CTNNA2: variants seen among roughly 807,000 people sequenced by gnomAD.
The protein encoded by CTNNA2 is catenin alpha-2.
CTNNA2 carries 42 observed loss-of-function variants against 101.0 expected under a neutral mutation model. The ratio of observed to expected loss-of-function variants is 0.42; its 90% confidence interval spans 0.32 to 0.54. CTNNA2 has a LOEUF of 0.54. Among genes scored for constraint, CTNNA2 ranks in the 20% least tolerant of loss-of-function variants. The pLI is 0.14. For synonymous variants in CTNNA2, 450 were observed against 456.4 expected, an observed-to-expected ratio of 0.99 and a Z score of 0.18; for missense variants, 871 against 1,223.1, an observed-to-expected ratio of 0.71 and a Z score of 4.29.
intron 7 of CTNNA2, among the ~76,000 whole-genome samples, chr2:80,348,530 T>A (rs1039456958): frequency 6.6e-6 from 1 of 152,154 alleles, no homozygotes; most frequent in Non-Finnish European, 1.5e-5. Flanking sequence ...ATTTGAAAAG[T>A]CTTTATCTGA....
At chr2:80,617,149 TAATG>T (rs1698919038) in intron 17 of CTNNA2, among the ~76,000 whole-genome samples, 1 of 151,806 alleles carries the variant, frequency 6.6e-6, no homozygotes, top group South Asian at 2.1e-4. Flanking sequence ...TCATTAATCT[TAATG>T]AACTTTAAAT....
At chr2:80,131,565 A>G (rs1702415591) in intron 7 of CTNNA2, among the ~76,000 whole-genome samples, 1 of 152,190 alleles carries the variant, frequency 6.6e-6, no homozygotes, top group Non-Finnish European at 1.5e-5. Context: ...TAGAATGAGG[A>G]TAGAAAATTT....
At chr2:79,745,597 C>T (rs1156543251) in intron 3 of CTNNA2, among the ~76,000 whole-genome samples, 3 of 152,148 alleles carry the variant, frequency 2.0e-5, no homozygotes, top group Non-Finnish European at 2.9e-5. Flanking sequence ...ATCCTCCTCC[C>T]TGAAGCCTCT....
At chr2:80,556,004 A>AATTATGTGCAATT in intron 12 of CTNNA2, 111 bp downstream of exon 12, 1 of 694,540 alleles carries the variant, frequency 1.4e-6, no homozygotes, top group South Asian at 4.0e-5. Flanking sequence ...TAAATTGCAC[A>AATTATGTGCAATT]TAATTGTGGA....
At position 79,322,332 on chromosome 2, in the gene CTNNA2, C is replaced by T. The variant is rs1036189856; in HGVS notation, c.-318+9536C>T. On this transcript the variant is annotated intron_variant, in intron 3 of 21. Transcript: ENST00000466387. ...GTCTTGCCATTGTCTTATGGAGACA[C>T]TGACCTGGCTTTGCATTATCTAGAT... 7.2e-5 allele frequency among the ~76,000 whole-genome samples: 11 copies of T among 152,200 alleles called. No individual in the cohort carries two copies. In the South Asian group the frequency reaches 2.3e-3, roughly 31 times the overall value.
chr2:79,563,696 G>A (rs1674934248), intron 1 of CTNNA2, among the ~76,000 whole-genome samples: 1 of 152,104 alleles, frequency 6.6e-6, no homozygotes, highest in African/African-American at 2.4e-5. Context: ...CCTCTGTAAA[G>A]TGTGGAAAAT....
chr2:80,153,981 G>GT (rs1321806766), intron 7 of CTNNA2, among the ~76,000 whole-genome samples: 1 of 152,172 alleles, frequency 6.6e-6, no homozygotes, highest in Non-Finnish European at 1.5e-5. Context: ...CTGGGCTTCA[G>GT]TTTTCATATC....
rs201374443 is a variant in CTNNA2, at chr2:80,149,030, T to A, written c.1056+239233T>A. On this transcript the variant is annotated intron_variant, in intron 7 of 18. Transcript: ENST00000402739. ...CTTCTGACTTATTTTGTTATTTTTT[T>A]TTTTTTTTTTTTTTTAAGACAAGTT... 6.5e-3 allele frequency among the ~76,000 whole-genome samples: 973 copies of A among 150,420 alleles called. 15 individuals carry two copies. In the East Asian group the frequency reaches 0.068, roughly 11 times the overall value.
chr2:80,565,272 G>A (rs1693955216), intron 12 of CTNNA2, among the ~76,000 whole-genome samples: 1 of 152,020 alleles, frequency 6.6e-6, no homozygotes, highest in African/African-American at 2.4e-5. Flanking sequence ...GTTTAACATT[G>A]GCCTTCTTGG....
chr2:80,247,659 A>C (rs182640980), intron 7 of CTNNA2, among the ~76,000 whole-genome samples: 70 of 151,922 alleles, frequency 4.6e-4, no homozygotes, highest in Non-Finnish European at 6.9e-4. Context: ...TTGTTTTTCC[A>C]TTCTTCCTTT....
intron 7 of CTNNA2, among the ~76,000 whole-genome samples, chr2:80,365,030 C>T (rs1383431952): frequency 6.6e-6 from 1 of 152,078 alleles, no homozygotes; most frequent in Non-Finnish European, 1.5e-5. Context: ...GGGGTTTGGC[C>T]TTCATGTAAC....
At chr2:79,616,086 A>T (rs576151466) in intron 1 of CTNNA2, among the ~76,000 whole-genome samples, 1 of 152,178 alleles carries the variant, frequency 6.6e-6, no homozygotes, top group Non-Finnish European at 1.5e-5. Context: ...GAGAGATCTT[A>T]TCTCTCTCAA....
At chr2:79,984,778 C>A (rs1691644513) in intron 7 of CTNNA2, among the ~76,000 whole-genome samples, 1 of 152,242 alleles carries the variant, frequency 6.6e-6, no homozygotes, top group East Asian at 1.9e-4. Context: ...ACCTCCTTTC[C>A]CTTCACTATA....
intron 4 of CTNNA2, among the ~76,000 whole-genome samples, chr2:79,427,963 T>A (rs1322578333): frequency 1.3e-5 from 2 of 152,158 alleles, no homozygotes; most frequent in African/African-American, 4.8e-5. Flanking sequence ...GTTCTACATC[T>A]GACATCATTT....
intron 7 of CTNNA2, among the ~76,000 whole-genome samples, chr2:80,160,072 G>T (rs1704219300): frequency 6.6e-6 from 1 of 152,108 alleles, no homozygotes; most frequent in Admixed American, 6.5e-5. Context: ...CACCATTTGT[G>T]TAAAAAGCTA....
intron 17 of CTNNA2, among the ~76,000 whole-genome samples, chr2:80,611,413 A>C (rs1233853221): frequency 6.6e-6 from 1 of 151,678 alleles, no homozygotes; most frequent in Non-Finnish European, 1.5e-5. Context: ...AGTTTAGTGC[A>C]AGTAATGTCC....
At chr2:80,639,779 T>G (rs1034892051) in intron 18 of CTNNA2, among the ~76,000 whole-genome samples, 3 of 152,048 alleles carry the variant, frequency 2.0e-5, no homozygotes, top group Non-Finnish European at 4.4e-5. Context: ...GCTGTGGAAA[T>G]AAAAGCATAA....
chr2:80,475,637 C>G (rs1329492287), intron 9 of CTNNA2, among the ~76,000 whole-genome samples: 1 of 151,996 alleles, frequency 6.6e-6, no homozygotes, highest in African/African-American at 2.4e-5. Flanking sequence ...ATTTCAGGGT[C>G]TACTATTCTT....
intron 15 of CTNNA2, among the ~76,000 whole-genome samples, chr2:80,595,582 T>C (rs947838882): frequency 8.5e-5 from 13 of 152,216 alleles, no homozygotes; most frequent in African/African-American, 2.7e-4. Context: ...TTATTCACCA[T>C]TGAGTATGAA....
Sources: gnomAD v4.1 joint callset for allele counts (sites outside exome capture counted in the v4.1 genomes callset) on GRCh38, gnomAD v4.1.1 for gene constraint, MANE v1.5 for transcripts, NCBI Gene and HGNC (gene_info 2026-07-23, HGNC 2026-07-21) for gene names.